The following TACR3 variants were observed in gnomAD, a reference collection of about 807,000 sequenced individuals.
TACR3 encodes the protein neuromedin-K receptor.
A neutral mutation model predicts 35.0 loss-of-function variants in TACR3; 34 were observed. The observed-to-expected ratio is 0.97, with a 90% CI of 0.74 to 1.30. The LOEUF is 1.30. Among genes scored for constraint, TACR3 ranks in the 50% most tolerant of loss-of-function variants. The pLI is 0.00. For missense variants in TACR3, 558 were observed against 591.7 expected (o/e 0.94, Z 0.59); for synonymous variants, 233 against 221.1 (o/e 1.05, Z -0.48).
intron 1 of TACR3, among the ~76,000 whole-genome samples, chr4:103,705,750 CTG>C (rs1367258666): frequency 6.6e-6 from 1 of 152,030 alleles, no homozygotes; most frequent in African/African-American, 2.4e-5. Context: ...AGAAGGAAAA[CTG>C]TGTATTCAAA....
At chr4:103,683,494 AAGAG>A (rs1203021985) in intron 1 of TACR3, among the ~76,000 whole-genome samples, 3 of 132,714 alleles carry the variant, frequency 2.3e-5, no homozygotes, top group Admixed American at 1.4e-4. Flanking sequence ...AAAAAAAAAA[AAGAG>A]AGAGAGAAGA....
chr4:103,587,971 CATTTGT>C lies in TACR3; in HGVS notation c.*1705_*1710del, dbSNP rs1417434694. ...CATTAAATGATTGAATGTGTAGGCA[CATTTGT>C]ATGTGTGTGTGTGTGTGTGTGTGTC... On this transcript the variant is annotated 3_prime_UTR_variant, in exon 5 of 5. Transcript: ENST00000304883. 1 of 149,528 alleles carries C rather than the reference CATTTGT, an allele frequency of 6.7e-6. No individual in the cohort carries two copies. Among genetic ancestry groups the C allele is most frequent in the Non-Finnish European group, 1.5e-5 (1 of 67,778 alleles). 9.3% of individuals were successfully genotyped at this position (149,528 alleles called of 1,614,324 possible).
intron 3 of TACR3, among the ~76,000 whole-genome samples, chr4:103,597,813 T>C (rs539472289): frequency 2.0e-5 from 3 of 152,344 alleles, no homozygotes; most frequent in South Asian, 4.1e-4. Context: ...TAGTATTCCA[T>C]GGTGTATATG....
intron 3 of TACR3, chr4:103,624,599 A>C (rs901968959): frequency 6.6e-6 from 1 of 152,218 alleles, no homozygotes; most frequent in Non-Finnish European, 1.5e-5. Flanking sequence ...GTAGTAGAAG[A>C]AAGTCTCCCC....
At chr4:103,602,861 G>T (rs1480646576) in intron 3 of TACR3, among the ~76,000 whole-genome samples, 1 of 152,238 alleles carries the variant, frequency 6.6e-6, no homozygotes, top group Non-Finnish European at 1.5e-5. Flanking sequence ...GAGGCAGTCT[G>T]CCCATTCTCA....
chr4:103,638,323 A>G (rs1318351695), intron 3 of TACR3, among the ~76,000 whole-genome samples: 1 of 151,814 alleles, frequency 6.6e-6, no homozygotes, highest in Admixed American at 6.6e-5. Flanking sequence ...AAACCTGACA[A>G]AAACAAGAAA....
chr4:103,700,901 AAAT>A, intron 1 of TACR3, among the ~76,000 whole-genome samples: 1 of 152,162 alleles, frequency 6.6e-6, no homozygotes, highest in Admixed American at 6.5e-5. Context: ...ACGTATCTCA[AAAT>A]AATAAGAGCT....
rs545520738 is a variant in TACR3 at position 103,633,306 on chromosome 4, C to A, written c.888+22888G>T. On this transcript the variant is annotated intron_variant, in intron 3 of 4. Coordinates refer to ENST00000304883, the MANE Select transcript of TACR3 (RefSeq NM_001059.3). ...TACTAAATAAAGAAATATTGAGCAT[C>A]TGAAAGAAATGCATGTAGATTTTGT... 1.7e-4 allele frequency among the ~76,000 whole-genome samples: 26 copies of A among 152,110 alleles called. No individual in the cohort carries two copies. In the South Asian group the frequency reaches 5.2e-3, roughly 30 times the overall value.
At chr4:103,716,319 G>A (rs1378655197) in intron 1 of TACR3, among the ~76,000 whole-genome samples, 1 of 151,600 alleles carries the variant, frequency 6.6e-6, no homozygotes, top group Non-Finnish European at 1.5e-5. Context: ...AGGCAAGAAG[G>A]AAATGTGTAG....
Position 103,719,543 on chromosome 4 carries a change from G to A in TACR3, c.133C>T (p.Leu45=), listed in dbSNP as rs1236713949. ...GAGGAGAGGTTGCCAGCTTGGTCCA[G>A]CAGTTGCAGCCACCCAGTCTCAACT... ...GAVETGWLQL[L]DQAGNLSSSP... is the part of the protein sequence containing the mutation. The change falls in exon 1 of 5, where the codon CTG becomes TTG. Residue 45 remains leucine, a synonymous_variant. Coordinates refer to ENST00000304883, the MANE Select transcript of TACR3 (RefSeq NM_001059.3). 1.9e-6 allele frequency: 3 copies of A among 1,608,000 alleles called. No individual in the cohort carries two copies. Among genetic ancestry groups the A allele is most frequent in the Middle Eastern group, 1.7e-4 (1 of 6,034 alleles).
At chr4:103,620,983 G>C (rs1350554841) in intron 3 of TACR3, among the ~76,000 whole-genome samples, 2 of 152,184 alleles carry the variant, frequency 1.3e-5, no homozygotes, top group African/African-American at 4.8e-5. Flanking sequence ...GTGAGTTGTT[G>C]AATATCTAAT....
chr4:103,683,213 T>C (rs1406486211), intron 1 of TACR3, among the ~76,000 whole-genome samples: 3 of 151,814 alleles, frequency 2.0e-5, no homozygotes, highest in Non-Finnish European at 2.9e-5. Context: ...AAAACAGTAC[T>C]TGTATGTAAA....
At chr4:103,638,293 A>G (rs1335498942) in intron 3 of TACR3, among the ~76,000 whole-genome samples, 3 of 151,508 alleles carry the variant, frequency 2.0e-5, no homozygotes, top group African/African-American at 7.3e-5. Flanking sequence ...CCACATATCT[A>G]CAACTATCTG....
chr4:103,684,657 T>C (rs916288484), intron 1 of TACR3, among the ~76,000 whole-genome samples: 3 of 152,062 alleles, frequency 2.0e-5, no homozygotes, highest in Non-Finnish European at 4.4e-5. Flanking sequence ...TGCAATTACA[T>C]TAAAAACTCC....
intron 3 of TACR3, among the ~76,000 whole-genome samples, chr4:103,654,907 T>G (rs977929595): frequency 3.3e-5 from 5 of 152,094 alleles, no homozygotes; most frequent in Non-Finnish European, 7.4e-5. Flanking sequence ...GGGAGAGAGA[T>G]ACTGTTCATG....
intron 1 of TACR3, among the ~76,000 whole-genome samples, chr4:103,714,371 C>G (rs1177803809): frequency 6.6e-6 from 1 of 152,032 alleles, no homozygotes; most frequent in East Asian, 1.9e-4. Flanking sequence ...TCACTATACG[C>G]TCACAATTTT....
At chr4:103,677,443 G>A (rs183751652) in intron 1 of TACR3, among the ~76,000 whole-genome samples, 2 of 152,114 alleles carry the variant, frequency 1.3e-5, no homozygotes, top group Admixed American at 6.5e-5. Flanking sequence ...CAAAAACAAA[G>A]ACATATAATC....
intron 1 of TACR3, among the ~76,000 whole-genome samples, chr4:103,661,508 TAGAC>T (rs1578247650): frequency 6.6e-6 from 1 of 152,016 alleles, no homozygotes; most frequent in South Asian, 2.1e-4. Flanking sequence ...TTTAGGTATT[TAGAC>T]AGTTGATTTT....
chr4:103,649,428 A>T (rs1195813187), intron 3 of TACR3, among the ~76,000 whole-genome samples: 1 of 152,002 alleles, frequency 6.6e-6, no homozygotes, highest in Non-Finnish European at 1.5e-5. Flanking sequence ...CAGGTCTTAG[A>T]TTTAAGTTTT....
Sources: allele counts gnomAD v4.1 joint callset (sites outside exome capture counted in the v4.1 genomes callset), GRCh38; gene constraint gnomAD v4.1.1; transcripts MANE v1.5; gene names NCBI Gene and HGNC (gene_info 2026-07-23, HGNC 2026-07-21).